Variants in ZNF486 observed in about 807,000 individuals in gnomAD.
ZNF486 encodes the protein KRAB box only protein 2.
Under a neutral mutation model 12.8 loss-of-function variants are expected in ZNF486, and 12 were observed. The observed-to-expected ratio is 0.94, with a 90% CI of 0.60 to 1.52. The LOEUF (loss-of-function observed/expected upper bound fraction) is 1.52, where lower values mean the gene tolerates loss of function less well. Ranked by LOEUF, ZNF486 falls within the 40% of genes most tolerant of loss-of-function variation. ZNF486 has a pLI of 0.00. For missense variants in ZNF486, 738 were observed against 545.0 expected (o/e 1.35, Z -3.53); for synonymous variants, 231 against 184.9 (o/e 1.25, Z -2.02).
intron 1 of ZNF486, among the ~76,000 whole-genome samples, chr19:20,182,875 C>A (rs1174302465): frequency 2.6e-5 from 4 of 152,040 alleles, no homozygotes; most frequent in Non-Finnish European, 4.4e-5. Flanking sequence ...AGAATCTCAT[C>A]TGAGAAGGAA....
chr19:20,180,444 A>G (rs1435813980), intron 1 of ZNF486, among the ~76,000 whole-genome samples: 2 of 152,178 alleles, frequency 1.3e-5, no homozygotes, highest in African/African-American at 4.8e-5. Context: ...TAAATAATTG[A>G]ATTGTGCATT....
At position 20,196,977 on chromosome 19, in the gene ZNF486, T is replaced by A. The variant is rs1200198572; in HGVS notation, c.267T>A (p.His89Gln). 1.3e-6 allele frequency: 2 copies of A among 1,550,316 alleles called. No homozygotes were observed. The highest frequency in any genetic ancestry group is 1.7e-6 in the Non-Finnish European group (2 of 1,154,942). The change falls in exon 4 of 4, where the codon CAT (histidine) becomes CAA (glutamine). Residue 89 changes from histidine (H) to glutamine (Q), a missense_variant. Physicochemically the swap from His to Gln is conservative, Grantham distance 24 (BLOSUM62 0). Coordinates refer to ENST00000335117, the MANE Select transcript of ZNF486 (RefSeq NM_052852.4). ...MIAKPPVVCSHFAQDLWPEQS... is the reference protein window; with the variant it reads ...MIAKPPVVCSQFAQDLWPEQS... ...TGTTTCTTTCAGTTGTGTGTTCTCA[T>A]TTTGCCCAAGACCTTTGGCCAGAGC...
chr19:20,177,696 T>A (rs556479501), intron 1 of ZNF486, among the ~76,000 whole-genome samples: 3 of 152,102 alleles, frequency 2.0e-5, no homozygotes, highest in Non-Finnish European at 4.4e-5. Context: ...TGCCTTAGCC[T>A]CCCTAGTAGC....
chr19:20,179,262 A>G (rs111374910), intron 1 of ZNF486, among the ~76,000 whole-genome samples: 15 of 119,278 alleles, frequency 1.3e-4, no homozygotes, highest in Admixed American at 3.1e-4. Flanking sequence ...AATGATAGAT[A>G]TCTAATCAAT....
intron 3 of ZNF486, among the ~76,000 whole-genome samples, chr19:20,196,442 C>T (rs1014490509): frequency 1.7e-4 from 26 of 152,302 alleles, no homozygotes; most frequent in African/African-American, 6.3e-4. Flanking sequence ...AATTCTCATG[C>T]CTCAGCCTCC....
At chr19:20,175,780 C>A in intron 1 of ZNF486, among the ~76,000 whole-genome samples, 1 of 152,244 alleles carries the variant, frequency 6.6e-6, no homozygotes, top group East Asian at 1.9e-4. Flanking sequence ...TTTTCCGCAC[C>A]TTTCCCCCCT....
intron 1 of ZNF486, among the ~76,000 whole-genome samples, chr19:20,172,315 T>TC (rs1555714001): frequency 6.6e-6 from 1 of 151,770 alleles, no homozygotes; most frequent in Non-Finnish European, 1.5e-5. Flanking sequence ...TGCCTACTTT[T>TC]TTTTTTTGAG....
At chr19:20,185,404 GTTTTTTT>G (rs782413355) in intron 2 of ZNF486, among the ~76,000 whole-genome samples, 11 of 69,604 alleles carry the variant, frequency 1.6e-4, no homozygotes, top group African/African-American at 1.9e-4. Context: ...TATTGTTTAT[GTTTTTTT>G]TTTTTTTTTT....
At position 20,167,313 on chromosome 19, in the gene ZNF486, G is replaced by A; in HGVS notation, c.-18G>A. On this transcript the variant is annotated 5_prime_UTR_variant, in exon 1 of 4. Transcript: ENST00000335117. ...TGTGGCCCTGTGTCCTGTAGGTATT[G>A]GGAGATCCACAGCCAAGATGCCGGG... 1 of 1,614,030 alleles carries A rather than the reference G, an allele frequency of 6.2e-7. No homozygotes were observed. Among genetic ancestry groups the A allele is most frequent in the Non-Finnish European group, 8.5e-7 (1 of 1,179,950 alleles).
At chr19:20,194,544 T>C (rs1311479460) in intron 3 of ZNF486, among the ~76,000 whole-genome samples, 2 of 152,148 alleles carry the variant, frequency 1.3e-5, no homozygotes, top group Non-Finnish European at 2.9e-5. Flanking sequence ...CAGGCTAACA[T>C]GGTGAAACCC....
intron 1 of ZNF486, among the ~76,000 whole-genome samples, chr19:20,183,078 T>C (rs2122653541): frequency 6.6e-6 from 1 of 152,314 alleles, no homozygotes; most frequent in Non-Finnish European, 1.5e-5. Flanking sequence ...CAAGGGTCTC[T>C]GAAAAATATT....
intron 3 of ZNF486, among the ~76,000 whole-genome samples, chr19:20,190,818 T>C (rs1013772829): frequency 2.6e-5 from 4 of 152,224 alleles, no homozygotes; most frequent in Non-Finnish European, 5.9e-5. Context: ...TGGTCTATAA[T>C]ATGGTTTCCA....
At chr19:20,174,800 T>C (rs1451717669) in intron 1 of ZNF486, among the ~76,000 whole-genome samples, 1 of 152,246 alleles carries the variant, frequency 6.6e-6, no homozygotes, top group Non-Finnish European at 1.5e-5. Context: ...GGCTGAAGTA[T>C]AGTTTTAATT....
intron 3 of ZNF486, 35 bp downstream of exon 3, chr19:20,186,117 G>A: frequency 6.6e-7 from 1 of 1,511,104 alleles, no homozygotes; most frequent in Non-Finnish European, 8.9e-7. Context: ...AACAGACAAT[G>A]CAGATAAGAG....
chr19:20,196,830 A>G, intron 3 of ZNF486, 134 bp from the exon 4 acceptor site: 1 of 1,193,608 alleles, frequency 8.4e-7, no homozygotes, highest in Non-Finnish European at 1.1e-6. Flanking sequence ...TATGTCCAGG[A>G]AGAAATTACA....
At position 20,175,350 on chromosome 19, in the gene ZNF486, T is replaced by TTTTTTTTTA. The variant is rs1296618035; in HGVS notation, c.30+7990_30+7991insTTTTTTTTA. Reference sequence around the variant, plus strand: ...CTATTAATTTTTTTTTTTTTTTTTTTATTGATCATTCTTGGGTGTTTCTCG... The same window carrying TTTTTTTTTA: ...CTATTAATTTTTTTTTTTTTTTTTTTTTTTTTTTAATTGATCATTCTTGGGTGTTTCTCG... On this transcript the variant is annotated intron_variant, in intron 1 of 3. Coordinates refer to ENST00000335117, the MANE Select transcript of ZNF486 (RefSeq NM_052852.4). 5 of 142,170 alleles carry TTTTTTTTTA rather than the reference T, an allele frequency of 3.5e-5. No individual in the cohort carries two copies. The East Asian group carries it at 1.1e-3, about 30-fold the overall frequency. 8.8% of individuals were successfully genotyped at this position (142,170 alleles called of 1,614,324 possible).
At chr19:20,184,241 A>C in intron 1 of ZNF486, 115 bp from the exon 2 acceptor site, 2 of 1,459,516 alleles carry the variant, frequency 1.4e-6, no homozygotes, top group Non-Finnish European at 1.9e-6. Flanking sequence ...TTATTGGATA[A>C]TTTTAGTCAA....
rs1362323533 is a variant in ZNF486 at position 20,199,560 on chromosome 19, GTC to G, written c.*1462_*1463del. On this transcript the variant is annotated 3_prime_UTR_variant, in exon 4 of 4. Transcript: ENST00000335117. ...AGACTGACCAAAACGGAGAAACCCA[GTC>G]TCTACTGAAAATATAAAATTAGCCA... 3 of 152,106 alleles carry G rather than the reference GTC, an allele frequency of 2.0e-5. No homozygotes were observed. Among genetic ancestry groups the G allele is most frequent in the African/African-American group, 7.2e-5 (3 of 41,468 alleles). The allele number at this position is 152,106 out of a possible 1,614,324, so 9.4% of individuals were successfully genotyped here. A position where few individuals can be genotyped will look rare whatever the true frequency, so the allele number is the denominator to read the frequency against.
rs1385659669 is a variant in ZNF486, at chr19:20,197,023, CA to C, written c.318del (p.Val107Ter). On this transcript the variant is annotated frameshift_variant, in exon 4 of 4. Transcript: ENST00000335117. LOFTEE classifies it low-confidence loss of function (END_TRUNC). ...AGAGCAGAGCATAAAAGATTCTTAC[CA>C]AAAAGTGATACTGAGAAAATTTGAA... is the stretch of plus-strand genomic sequence containing the variant. ...WPEQSIKDSY[Q>X]KVILRKFEKC... 7.5e-6 allele frequency: 12 copies of C among 1,605,924 alleles called. No homozygotes were observed. In the Admixed American group the frequency reaches 1.6e-4, roughly 21 times the overall value.
Sources: allele counts gnomAD v4.1 joint callset (sites outside exome capture counted in the v4.1 genomes callset), GRCh38; gene constraint gnomAD v4.1.1; transcripts MANE v1.5; gene names NCBI Gene and HGNC (gene_info 2026-07-23, HGNC 2026-07-21).